Variants in EVA1A observed in about 807,000 individuals in gnomAD.
EVA1A encodes protein eva-1 homolog A.
A neutral mutation model predicts 9.8 loss-of-function variants in EVA1A; 7 were observed. The ratio of observed to expected loss-of-function variants is 0.71; its 90% CI spans 0.41 to 1.34. The LOEUF (loss-of-function observed/expected upper bound fraction) is 1.34. Ranked by LOEUF, EVA1A falls within the 40% of genes most tolerant of loss-of-function variation. The probability of loss-of-function intolerance (pLI) is 0.01; values close to 1 mark genes in which losing one functional copy is unlikely to be tolerated. For synonymous variants in EVA1A, 90 were observed against 85.6 expected, an observed-to-expected ratio of 1.05 and a Z score of -0.28; for missense variants, 206 against 205.9, an observed-to-expected ratio of 1.00 and a Z score of 0.00.
intron 1 of EVA1A, among the ~76,000 whole-genome samples, chr2:75,532,682 G>C (rs1675710713): frequency 6.6e-6 from 1 of 152,160 alleles, no homozygotes; most frequent in Non-Finnish European, 1.5e-5. Flanking sequence ...CAGAATGAAA[G>C]AGGAAGAAGA....
In EVA1A at chr2:75,492,830, T is replaced by G; in HGVS notation, c.*406A>C. 1 of 168,056 alleles carries G rather than the reference T, an allele frequency of 6.0e-6. No homozygotes were observed. The highest frequency in any genetic ancestry group is 1.3e-5 in the Non-Finnish European group (1 of 78,604). The allele number at this position is 168,056 out of a possible 1,614,324, so 10.4% of individuals were successfully genotyped here. A position where few individuals can be genotyped will look rare whatever the true frequency, so the allele number is the denominator to read the frequency against. ...GCATGAAGTCATTTAGGAAATTGCATTTATTGGGTTAAGTTCACCCTGCTA... is the reference window on the plus strand; with the variant it reads ...GCATGAAGTCATTTAGGAAATTGCAGTTATTGGGTTAAGTTCACCCTGCTA... On this transcript the variant is annotated 3_prime_UTR_variant, in exon 4 of 4. Coordinates refer to ENST00000393913, the MANE Select transcript of EVA1A (RefSeq NM_001135032.2).
Position 75,566,363 on chromosome 2 carries a change from C to CTT in EVA1A, c.-192+3111_-192+3112dup, listed in dbSNP as rs141250404. Among the ~76,000 whole-genome samples the CTT allele has an allele frequency of 4.6e-5, 7 of 151,912 alleles. No homozygotes were observed. In the East Asian group the frequency reaches 1.2e-3, roughly 25 times the overall value. On this transcript the variant is annotated intron_variant, in intron 1 of 3. Transcript: ENST00000233712. The stretch of plus-strand genomic sequence containing the variant: ...AAAACCCACGTTCTCCAGGCCTTGT[C>CTT]TTTTTTTTCAGAAAGCAAAGTTTTA...
exon 1 of EVA1A, chr2:75,569,572 A>C (rs1677085541): frequency 6.6e-6 from 1 of 152,216 alleles, no homozygotes; most frequent in African/African-American, 2.4e-5. Flanking sequence ...GGGGTTGCCC[A>C]CCTCTTACAA....
At chr2:75,526,226 G>A (rs899937583) in intron 1 of EVA1A, 6 of 152,292 alleles carry the variant, frequency 3.9e-5, no homozygotes, top group South Asian at 2.1e-4. Context: ...ATGTAAATGC[G>A]ATGTAAATTA....
At chr2:75,544,959 T>C (rs1676275606) in intron 1 of EVA1A, among the ~76,000 whole-genome samples, 1 of 152,230 alleles carries the variant, frequency 6.6e-6, no homozygotes, top group African/African-American at 2.4e-5. Context: ...GAGAATGTCA[T>C]GAGGCTACAG....
intron 1 of EVA1A, among the ~76,000 whole-genome samples, chr2:75,545,768 A>T (rs1205795078): frequency 1.3e-5 from 2 of 152,174 alleles, no homozygotes; most frequent in African/African-American, 2.4e-5. Context: ...AGTTACAAAG[A>T]TAAATAAGCC....
At position 75,516,087 on chromosome 2, in the gene EVA1A, T is replaced by C. The variant is rs374377722; in HGVS notation, c.85+1969A>G. The stretch of plus-strand genomic sequence containing the variant: ...CGAGGGGCCAGGGGCCCTGCGGGGT[T>C]GAAGATCTGATAGAGCAGAATGAGG... On this transcript the variant is annotated intron_variant, in intron 3 of 3. Transcript: ENST00000393913. 4.0e-4 allele frequency among the ~76,000 whole-genome samples: 61 copies of C among 152,348 alleles called. No individual in the cohort carries two copies. In the South Asian group the frequency reaches 0.012, roughly 31 times the overall value.
intron 1 of EVA1A, among the ~76,000 whole-genome samples, chr2:75,538,482 A>G (rs756083206): frequency 2.6e-5 from 4 of 152,246 alleles, no homozygotes; most frequent in Non-Finnish European, 5.9e-5. Context: ...GTTTTGGTCA[A>G]TGACAGCATG....
At position 75,493,403 on chromosome 2, in the gene EVA1A, G is replaced by A. The variant is rs1674097240; in HGVS notation, c.292C>T (p.Arg98Trp). 3.7e-6 allele frequency: 6 copies of A among 1,614,218 alleles called. No homozygotes were observed. Among genetic ancestry groups the A allele is most frequent in the Non-Finnish European group, 5.1e-6 (6 of 1,180,044 alleles). The change falls in exon 4 of 4, where the codon CGG (arginine) becomes TGG (tryptophan). Residue 98 changes from arginine to tryptophan, a missense_variant. By Grantham distance (101) the Arg-to-Trp change is moderately radical (BLOSUM62 -3). Coordinates refer to ENST00000393913, the MANE Select transcript of EVA1A (RefSeq NM_001135032.2). ...GTCCTCTCGAAGCGGCGGTGTCTCC[G>A]CACGGAGAGATCGGACACGGTGTCC... ...SEDTVSDLSV[R>W]RHRRFERTLN...
At chr2:75,497,180 G>A (rs1021526415) in intron 3 of EVA1A, among the ~76,000 whole-genome samples, 1 of 152,090 alleles carries the variant, frequency 6.6e-6, no homozygotes, top group Non-Finnish European at 1.5e-5. Flanking sequence ...AAGAAAAATG[G>A]ACAAGTAGGA....
rs1674071417 is a variant in EVA1A at position 75,492,594 on chromosome 2, T to C, written c.*642A>G. 1 of 152,624 alleles carries C rather than the reference T, an allele frequency of 6.6e-6. No homozygotes were observed. Among genetic ancestry groups the C allele is most frequent in the Admixed American group, 6.5e-5 (1 of 15,286 alleles). The allele number at this position is 152,624 out of a possible 1,614,324, so 9.5% of individuals were successfully genotyped here. Reference sequence around the variant, plus strand: ...AAAAACCCTTCATCCTTTGAGGTTATTGACATTTTCTAGTTCACTGACACA... The same window carrying C: ...AAAAACCCTTCATCCTTTGAGGTTACTGACATTTTCTAGTTCACTGACACA... On this transcript the variant is annotated 3_prime_UTR_variant, in exon 4 of 4. Coordinates refer to ENST00000393913, the MANE Select transcript of EVA1A (RefSeq NM_001135032.2).
At chr2:75,495,163 G>T (rs1253696103) in intron 3 of EVA1A, among the ~76,000 whole-genome samples, 1 of 152,048 alleles carries the variant, frequency 6.6e-6, no homozygotes, top group Non-Finnish European at 1.5e-5. Context: ...GACAATTTTT[G>T]TAGGTTCTGG....
At chr2:75,517,283 A>G (rs1675045514) in intron 3 of EVA1A, among the ~76,000 whole-genome samples, 1 of 152,196 alleles carries the variant, frequency 6.6e-6, no homozygotes, top group African/African-American at 2.4e-5. Context: ...AGGAAATCCA[A>G]TTGAAACCCT....
In EVA1A at chr2:75,513,552, G is replaced by C. The variant is rs1368389401; in HGVS notation, c.85+4504C>G. ...CTGACTGGGTATATACCCATAGGAA[G>C]TGAAATCAGTATCTTTAGAGATATC... On this transcript the variant is annotated intron_variant, in intron 3 of 3. Coordinates refer to ENST00000393913, the MANE Select transcript of EVA1A (RefSeq NM_001135032.2). Among the ~76,000 whole-genome samples the C allele has an allele frequency of 2.0e-5, 3 of 152,190 alleles. No individual in the cohort carries two copies. In the East Asian group the frequency reaches 5.8e-4, roughly 29 times the overall value.
intron 3 of EVA1A, among the ~76,000 whole-genome samples, chr2:75,514,404 G>A (rs1340064587): frequency 6.6e-6 from 1 of 152,130 alleles, no homozygotes; most frequent in Non-Finnish European, 1.5e-5. Flanking sequence ...TTATTTTCAG[G>A]ACACTTAGAT....
At chr2:75,558,801 G>C (rs1208695429) in intron 1 of EVA1A, 1 of 152,176 alleles carries the variant, frequency 6.6e-6, no homozygotes, top group Non-Finnish European at 1.5e-5. Context: ...CAAGGTCGGG[G>C]GTTACATTTT....
intron 2 of EVA1A, among the ~76,000 whole-genome samples, chr2:75,519,890 T>C (rs1048566936): frequency 2.6e-5 from 4 of 152,188 alleles, no homozygotes; most frequent in African/African-American, 7.2e-5. Flanking sequence ...AACAATCTCC[T>C]ACCTGGTCTT....
intron 3 of EVA1A, among the ~76,000 whole-genome samples, chr2:75,497,716 T>G (rs181169824): frequency 9.1e-4 from 138 of 151,330 alleles, no homozygotes; most frequent in African/African-American, 3.2e-3. Context: ...TCAGGCATGC[T>G]GGTGCACACC....
At chr2:75,536,043 T>C (rs1675879918) in intron 1 of EVA1A, among the ~76,000 whole-genome samples, 1 of 152,236 alleles carries the variant, frequency 6.6e-6, no homozygotes, top group African/African-American at 2.4e-5. Context: ...CCACTGCCAG[T>C]ATTGTTATAT....
Sources: allele counts gnomAD v4.1 joint callset (sites outside exome capture counted in the v4.1 genomes callset), GRCh38; gene constraint gnomAD v4.1.1; transcripts MANE v1.5; gene names NCBI Gene and HGNC (gene_info 2026-07-23, HGNC 2026-07-21).